Variants in JARID2 observed in about 807,000 individuals in gnomAD.
JARID2 encodes the protein protein Jumonji.
Under a neutral mutation model 125.6 loss-of-function variants are expected in JARID2, and 21 were observed. The observed-to-expected ratio is 0.17, with a 90% CI of 0.12 to 0.24. JARID2 has a LOEUF of 0.24. Ranked by LOEUF, JARID2 falls within the 10% of genes least tolerant of loss-of-function variation. The pLI, the probability that JARID2 is intolerant of heterozygous loss-of-function variation, is 1.00. For synonymous variants in JARID2, 736 were observed against 661.6 expected (o/e 1.11, Z -1.73); for missense variants, 1,303 against 1,639.6 (o/e 0.79, Z 3.55).
At chr6:15,338,811 C>G (rs978225458) in intron 1 of JARID2, among the ~76,000 whole-genome samples, 1 of 152,156 alleles carries the variant, frequency 6.6e-6, no homozygotes, top group South Asian at 2.1e-4. Context: ...CCAGTAAGGC[C>G]CAGTTACCCT....
intron 1 of JARID2, among the ~76,000 whole-genome samples, chr6:15,308,979 TTGAC>T (rs1761925352): frequency 6.6e-6 from 1 of 152,224 alleles, no homozygotes; most frequent in African/African-American, 2.4e-5. Flanking sequence ...ACCTTTTTGG[TTGAC>T]TGACTGCCCT....
chr6:15,447,159 C>A (rs888826221), intron 3 of JARID2, among the ~76,000 whole-genome samples: 1 of 152,168 alleles, frequency 6.6e-6, no homozygotes, highest in Admixed American at 6.5e-5. Flanking sequence ...TCCCTCACCC[C>A]CACTGCGCCA....
At chr6:15,468,776 A>G (rs187347278) in intron 5 of JARID2, 58 bp downstream of exon 5, 2 of 1,524,290 alleles carry the variant, frequency 1.3e-6, no homozygotes, top group Non-Finnish European at 1.8e-6. Flanking sequence ...TGAGAGCTGG[A>G]AGAGAGCCTC....
chr6:15,452,080 T>C lies in JARID2; in HGVS notation c.398T>C (p.Val133Ala), dbSNP rs1399551386. Residue 133 changes from valine to alanine, a missense_variant, in exon 4 of 18, where the codon GTG (valine) becomes GCG (alanine). Val to Ala is a moderately conservative substitution (Grantham distance 64, BLOSUM62 0). Transcript: ENST00000341776. ...NSPSTTPVKI[V>A]EPLLPPPATQ... ...CCCAGCACAACTCCAGTAAAGATAG[T>C]GGAGCCATTGCTACCCCCTCCAGCT... 3 of 1,614,010 alleles carry C rather than the reference T, an allele frequency of 1.9e-6. No individual in the cohort carries two copies. In the African/African-American group the frequency reaches 4.0e-5, roughly 22 times the overall value.
chr6:15,292,818 C>T (rs1196803116), intron 1 of JARID2, among the ~76,000 whole-genome samples: 1 of 152,130 alleles, frequency 6.6e-6, no homozygotes, highest in Non-Finnish European at 1.5e-5. Flanking sequence ...TGGTGTGCGC[C>T]ACCATTCCCA....
Position 15,452,183 on chromosome 6 carries a change from T to A in JARID2, c.493+8T>A. On this transcript the variant is annotated splice_region_variant and intron_variant, in intron 4 of 17. Coordinates refer to ENST00000341776, the MANE Select transcript of JARID2 (RefSeq NM_004973.4). ...CCTTTCTCTGCCTTCGAGGTAAGAC[T>A]TTGCAACCATCGGCGGAGGTCTACG... The A allele has an allele frequency of 6.2e-7, 1 of 1,613,670 alleles. No homozygotes were observed. The highest frequency in any genetic ancestry group is 2.2e-5 in the East Asian group (1 of 44,860).
intron 3 of JARID2, among the ~76,000 whole-genome samples, chr6:15,417,834 A>G (rs769737680): frequency 1.3e-5 from 2 of 152,240 alleles, no homozygotes; most frequent in Non-Finnish European, 2.9e-5. Context: ...TTGTCAGTAT[A>G]TGTGACACAT....
intron 1 of JARID2, among the ~76,000 whole-genome samples, chr6:15,273,632 T>C (rs1760384467): frequency 6.6e-6 from 1 of 152,152 alleles, no homozygotes; most frequent in African/African-American, 2.4e-5. Context: ...ACCTGGGACT[T>C]GTGGGTTGCG....
intron 2 of JARID2, among the ~76,000 whole-genome samples, chr6:15,376,903 T>C (rs114560557): frequency 2.2e-4 from 33 of 152,230 alleles, no homozygotes; most frequent in African/African-American, 7.7e-4. Flanking sequence ...ACCAAGACTT[T>C]AGGGCTGGTG....
At chr6:15,303,204 T>G (rs1378207768) in intron 1 of JARID2, among the ~76,000 whole-genome samples, 1 of 152,232 alleles carries the variant, frequency 6.6e-6, no homozygotes, top group Non-Finnish European at 1.5e-5. Flanking sequence ...AGCTTTCTGG[T>G]GGAATGTGTG....
rs777659807 is a variant in JARID2 at position 15,452,049 on chromosome 6, A to C, written c.367A>C (p.Asn123His). Residue 123 changes from asparagine to histidine, a missense_variant, in exon 4 of 18, where the codon AAT becomes CAT. Around this residue, in one of 11 missense-constraint regions of JARID2, gnomAD observed 42 missense variants for 35.7 expected, o/e 1.18. Coordinates refer to ENST00000341776, the MANE Select transcript of JARID2 (RefSeq NM_004973.4). ...AAGGAAGTTTGCTCAGTCTCAGCCG[A>C]ATAGTCCCAGCACAACTCCAGTAAA... The part of the protein sequence containing the change: ...AQRKFAQSQP[N>H]SPSTTPVKIV... 6.2e-7 allele frequency: 1 copy of C among 1,614,014 alleles called. No homozygotes were observed. The highest frequency in any genetic ancestry group is 1.7e-5 in the Admixed American group (1 of 60,014).
At chr6:15,437,434 A>G (rs569446795) in intron 3 of JARID2, among the ~76,000 whole-genome samples, 7 of 152,218 alleles carry the variant, frequency 4.6e-5, no homozygotes, top group Admixed American at 6.5e-5. Flanking sequence ...TTACGCTTAC[A>G]TTGTGGAAGT....
At chr6:15,497,518 C>T (rs1015012386) in intron 7 of JARID2, among the ~76,000 whole-genome samples, 3 of 151,940 alleles carry the variant, frequency 2.0e-5, no homozygotes, top group Non-Finnish European at 2.9e-5. Context: ...GGCGTGGTGG[C>T]GGGGGCCTGT....
intron 16 of JARID2, 32 bp downstream of exon 16, chr6:15,513,454 C>T: frequency 1.3e-6 from 2 of 1,566,196 alleles, no homozygotes; most frequent in African/African-American, 1.3e-5. Flanking sequence ...GGCGCCCTCG[C>T]ATGTAGTGCT....
chr6:15,405,328 G>A (rs539534004), intron 2 of JARID2, among the ~76,000 whole-genome samples: 1 of 152,176 alleles, frequency 6.6e-6, no homozygotes, highest in Non-Finnish European at 1.5e-5. Flanking sequence ...CTGATGGCAG[G>A]GTTCTGTTGT....
chr6:15,415,349 G>A (rs957460190), intron 3 of JARID2, among the ~76,000 whole-genome samples: 3 of 151,974 alleles, frequency 2.0e-5, no homozygotes, highest in Admixed American at 6.5e-5. Flanking sequence ...CAGACGGGGC[G>A]GTGGCCGGGC....
chr6:15,388,737 G>A (rs1764886062), intron 2 of JARID2, among the ~76,000 whole-genome samples: 1 of 152,170 alleles, frequency 6.6e-6, no homozygotes, highest in South Asian at 2.1e-4. Context: ...AAGGAGAGCT[G>A]TCTCTTGTGT....
intron 1 of JARID2, among the ~76,000 whole-genome samples, chr6:15,308,696 G>A (rs925255533): frequency 6.6e-6 from 1 of 152,192 alleles, no homozygotes; most frequent in South Asian, 2.1e-4. Flanking sequence ...GCCAAAAGAT[G>A]TGAGGATAAG....
intron 2 of JARID2, among the ~76,000 whole-genome samples, chr6:15,384,247 C>T (rs1052895993): frequency 1.1e-4 from 17 of 152,260 alleles, no homozygotes; most frequent in South Asian, 4.1e-4. Context: ...CCACCACGCC[C>T]GGCTAATTTT....
Sources: allele counts gnomAD v4.1 joint callset (sites outside exome capture counted in the v4.1 genomes callset), GRCh38; gene constraint gnomAD v4.1.1; regional missense constraint gnomAD v4.1.1; transcripts MANE v1.5; gene names NCBI Gene and HGNC (gene_info 2026-07-23, HGNC 2026-07-21).